The following RBM7 variants were observed in gnomAD, a reference collection of about 807,000 sequenced individuals.
RBM7 encodes RNA-binding protein 7.
In RBM7, 13 loss-of-function variants were observed where a neutral mutation model predicts 31.0. The ratio of observed to expected loss-of-function variants is 0.42; its 90% CI spans 0.27 to 0.67. The LOEUF is 0.67. Among genes scored for constraint, RBM7 ranks in the 30% least tolerant of loss-of-function variants. The pLI is 0.24. For missense variants in RBM7, 245 were observed against 326.2 expected, an observed-to-expected ratio of 0.75 and a Z score of 1.92; for synonymous variants, 106 against 111.2, an observed-to-expected ratio of 0.95 and a Z score of 0.30.
In RBM7 at chr11:114,408,429, T is replaced by C. The variant is rs1327666138; in HGVS notation, c.*622T>C. 1 of 152,770 alleles carries C rather than the reference T, an allele frequency of 6.5e-6. No homozygotes were observed. Among genetic ancestry groups the C allele is most frequent in the African/African-American group, 2.4e-5 (1 of 41,452 alleles). The allele number at this position is 152,770 out of a possible 1,614,324, so 9.5% of individuals were successfully genotyped here. A position where few individuals can be genotyped will look rare whatever the true frequency, so the allele number is the denominator to read the frequency against. On this transcript the variant is annotated 3_prime_UTR_variant, in exon 5 of 5. Coordinates refer to ENST00000375490, the MANE Select transcript of RBM7 (RefSeq NM_001286045.2). ...ATTGTTCATTAAATCCCATTTGAGG[T>C]ATAAGTCACTCAGGAAGTTAAAATA...
rs1434168020 is a variant in RBM7 at position 114,409,419 on chromosome 11, A to G, written c.*1612A>G. 6.6e-6 allele frequency: 1 copy of G among 151,858 alleles called. No individual in the cohort carries two copies. The highest frequency in any genetic ancestry group is 1.5e-5 in the Non-Finnish European group (1 of 67,966). The allele number at this position is 151,858 out of a possible 1,614,324, so 9.4% of individuals were successfully genotyped here. ...AGTCTTGCTACGACACCCAGGCTAG[A>G]GTGCAATGGCGGGATCTCAGGTCAC... On this transcript the variant is annotated 3_prime_UTR_variant, in exon 5 of 5. Transcript: ENST00000375490.
In RBM7 at chr11:114,400,676, G is replaced by GGGC. The variant is rs772872779; in HGVS notation, c.17_19dup (p.Ala6dup). 96 of 1,614,176 alleles carry GGGC rather than the reference G, an allele frequency of 5.9e-5. No individual in the cohort carries two copies. The African/African-American group carries it at 9.7e-4, about 16-fold the overall frequency. Reference sequence around the variant, plus strand: ...TAGGGAGGGGGCGACGCTGAGATGGGGGCGGCGGCGGCGGAAGCGGATCGC... The same window carrying GGGC: ...TAGGGAGGGGGCGACGCTGAGATGGGGGCGGCGGCGGCGGCGGAAGCGGATCGC... On this transcript the variant is annotated inframe_insertion, in exon 1 of 5. Coordinates refer to ENST00000375490, the MANE Select transcript of RBM7 (RefSeq NM_001286045.2).
In RBM7 at chr11:114,401,737, G is replaced by C. The variant is rs1434378066; in HGVS notation, c.136G>C (p.Asp46His). 6.3e-7 allele frequency: 1 copy of C among 1,576,362 alleles called. No individual in the cohort carries two copies. The highest frequency in any genetic ancestry group is 8.6e-7 in the Non-Finnish European group (1 of 1,166,458). The part of the protein sequence containing the change: ...VIKVKIPKDK[D>H]GKPKQFAFVN... The stretch of plus-strand genomic sequence containing the variant: ...AAAGGTGAAAATTCCAAAAGATAAG[G>C]ATGGTAAACCAAAGCAGTTTGCGTT... Residue 46 changes from aspartate to histidine, a missense_variant, in exon 2 of 5, where the codon GAT becomes CAT. Asp to His is a moderately conservative substitution (Grantham distance 81). Coordinates refer to ENST00000375490, the MANE Select transcript of RBM7 (RefSeq NM_001286045.2).
At chr11:114,405,847 T>C in intron 4 of RBM7, 48 bp downstream of exon 4, 1 of 1,316,584 alleles carries the variant, frequency 7.6e-7, no homozygotes, top group East Asian at 2.4e-5. Context: ...AAATCATCCT[T>C]AGTTAAAATG....
Position 114,402,933 on chromosome 11 carries a change from T to C in RBM7, c.347+18T>C, listed in dbSNP as rs746316209. ...CCTAGCAGGTAATATTTCTCACTTA[T>C]TGTTAAGATCATTTATCAGGAATTC... On this transcript the variant is annotated intron_variant, in intron 3 of 4. Coordinates refer to ENST00000375490, the MANE Select transcript of RBM7 (RefSeq NM_001286045.2). The C allele has an allele frequency of 3.8e-6, 6 of 1,568,936 alleles. No individual in the cohort carries two copies. Among genetic ancestry groups the C allele is most frequent in the South Asian group, 2.2e-5 (2 of 90,088 alleles).
chr11:114,408,131 C>T lies in RBM7; in HGVS notation c.*324C>T, dbSNP rs1055710318. 3.7e-5 allele frequency: 6 copies of T among 161,498 alleles called. No homozygotes were observed. Among genetic ancestry groups the T allele is most frequent in the African/African-American group, 1.4e-4 (6 of 41,762 alleles). The allele number at this position is 161,498 out of a possible 1,614,324, so 10.0% of individuals were successfully genotyped here. On this transcript the variant is annotated 3_prime_UTR_variant, in exon 5 of 5. Transcript: ENST00000375490. The stretch of plus-strand genomic sequence containing the variant: ...AATTATTTGTTATCTTTTTGTATTG[C>T]AAGAAATTTCTTGCTAGTGAATCAA...
At chr11:114,401,916 A>G in intron 2 of RBM7, 56 bp downstream of exon 2, 1 of 1,488,690 alleles carries the variant, frequency 6.7e-7, no homozygotes, top group East Asian at 2.5e-5. Context: ...TAAATTTATT[A>G]TTCAGTTTTA....
At chr11:114,400,857 C>T (rs1430350221) in intron 1 of RBM7, 90 bp downstream of exon 1, 2 of 1,475,120 alleles carry the variant, frequency 1.4e-6, no homozygotes, top group Admixed American at 2.0e-5. Context: ...TCGTAGCCGT[C>T]AGGGGACCCG....
chr11:114,407,490 T>C lies in RBM7; in HGVS notation c.487T>C (p.Ser163Pro), dbSNP rs761192208. The part of the protein sequence containing the change: ...RQMSYGGKFG[S>P]SPLDQSGFSP... ...AATGTCATATGGTGGAAAATTTGGT[T>C]CTTCACCTCTGGATCAATCAGGATT... Residue 163 changes from serine (S) to proline (P), a missense_variant, in exon 5 of 5, where the codon TCT becomes CCT. Transcript: ENST00000375490. The C allele has an allele frequency of 5.0e-6, 8 of 1,614,080 alleles. No individual in the cohort carries two copies. The highest frequency in any genetic ancestry group is 6.8e-6 in the Non-Finnish European group (8 of 1,179,924).
At chr11:114,402,527 C>G (rs1946219152) in intron 2 of RBM7, among the ~76,000 whole-genome samples, 1 of 149,500 alleles carries the variant, frequency 6.7e-6, no homozygotes, top group Non-Finnish European at 1.5e-5. Flanking sequence ...CCTTAGCCTC[C>G]TGAGTAGCTG....
rs1283245085 is a variant in RBM7 at position 114,408,845 on chromosome 11, A to T, written c.*1038A>T. 1 of 151,672 alleles carries T rather than the reference A, an allele frequency of 6.6e-6. No homozygotes were observed. The highest frequency in any genetic ancestry group is 2.4e-5 in the African/African-American group (1 of 40,946). The allele number at this position is 151,672 out of a possible 1,614,324, so 9.4% of individuals were successfully genotyped here. A position where few individuals can be genotyped will look rare whatever the true frequency, so the allele number is the denominator to read the frequency against. ...TTTATAAAAGTTCATTTGTTGAAAA[A>T]TAAGGATCCTTTTTAATACCACAGC... On this transcript the variant is annotated 3_prime_UTR_variant, in exon 5 of 5. Coordinates refer to ENST00000375490, the MANE Select transcript of RBM7 (RefSeq NM_001286045.2).
intron 3 of RBM7, among the ~76,000 whole-genome samples, chr11:114,403,404 G>C (rs1276396737): frequency 6.6e-6 from 1 of 152,132 alleles, no homozygotes; most frequent in Non-Finnish European, 1.5e-5. Flanking sequence ...GTGTAATCTT[G>C]AGCTAGTCTC....
rs958634468 is a variant in RBM7, at chr11:114,407,393, A to T, written c.442-52A>T. 4.5e-6 allele frequency: 7 copies of T among 1,539,280 alleles called. No individual in the cohort carries two copies. The African/African-American group carries it at 9.6e-5, about 21-fold the overall frequency. ...TTTTCTGTTAACTGACCAAATACAT[A>T]TTAGCTTTGATATCTAGAAGTATTA... is the stretch of plus-strand genomic sequence containing the variant. On this transcript the variant is annotated intron_variant, in intron 4 of 4. Coordinates refer to ENST00000375490, the MANE Select transcript of RBM7 (RefSeq NM_001286045.2).
chr11:114,402,440 G>A (rs1946217926), intron 2 of RBM7, among the ~76,000 whole-genome samples: 1 of 110,302 alleles, frequency 9.1e-6, no homozygotes, highest in African/African-American at 3.4e-5. Context: ...GTCTTGCCCT[G>A]TTGCCTAGGC....
At position 114,401,689 on chromosome 11, in the gene RBM7, T is replaced by C. The variant is rs145986774; in HGVS notation, c.97-9T>C. The stretch of plus-strand genomic sequence containing the variant: ...TTTATTTAAATTCTAAACACCTTTT[T>C]GTTTGTAGGCTGGGCCAGTAATAAA... On this transcript the variant is annotated splice_polypyrimidine_tract_variant and intron_variant, in intron 1 of 4. Transcript: ENST00000375490. 303 of 1,490,620 alleles carry C rather than the reference T, an allele frequency of 2.0e-4. No homozygotes were observed. In the African/African-American group the frequency reaches 3.8e-3, roughly 19 times the overall value. 92.3% of individuals were successfully genotyped at this position (1,490,620 alleles called of 1,614,324 possible).
intron 1 of RBM7, among the ~76,000 whole-genome samples, 191 bp from the exon 2 acceptor site, chr11:114,401,507 C>T (rs763472822): frequency 7.2e-5 from 11 of 152,154 alleles, no homozygotes; most frequent in Non-Finnish European, 1.6e-4. Context: ...GCCCCCTTCC[C>T]CAAATAAATC....
At chr11:114,402,707 T>G in intron 2 of RBM7, 121 bp from the exon 3 acceptor site, 1 of 849,038 alleles carries the variant, frequency 1.2e-6, no homozygotes, top group Admixed American at 2.0e-5. Flanking sequence ...GCCCGGCCAG[T>G]AGTTTGAGAT....
chr11:114,401,573 C>T, intron 1 of RBM7, 125 bp from the exon 2 acceptor site: 1 of 802,084 alleles, frequency 1.2e-6, no homozygotes, highest in East Asian at 3.2e-5. Context: ...ATCCGTGCAT[C>T]ATTTTCAAAA....
chr11:114,401,932 C>T (rs1272036648), intron 2 of RBM7, 72 bp downstream of exon 2: 8 of 1,430,234 alleles, frequency 5.6e-6, no homozygotes, highest in Non-Finnish European at 7.5e-6. Flanking sequence ...TTTTAAAGAA[C>T]CTCTTATTTG....
Sources: gnomAD v4.1 joint callset for allele counts (sites outside exome capture counted in the v4.1 genomes callset) on GRCh38, gnomAD v4.1.1 for gene constraint, MANE v1.5 for transcripts, NCBI Gene and HGNC (gene_info 2026-07-23, HGNC 2026-07-21) for gene names.